VRK2: variants seen among roughly 807,000 people sequenced by gnomAD.
VRK2 encodes the protein serine/threonine-protein kinase VRK2.
A neutral mutation model predicts 57.6 loss-of-function variants in VRK2; 60 were observed. The ratio of observed to expected loss-of-function variants is 1.04; its 90% confidence interval spans 0.85 to 1.29. The LOEUF (loss-of-function observed/expected upper bound fraction) is 1.29, where lower values mean the gene tolerates loss of function less well. VRK2 is among the 50% of genes most tolerant of loss of function. VRK2 has a pLI of 0.00. For missense variants in VRK2, 705 were observed against 588.1 expected, an observed-to-expected ratio of 1.20 and a Z score of -2.06; for synonymous variants, 231 against 199.2, an observed-to-expected ratio of 1.16 and a Z score of -1.35.
intron 7 of VRK2, among the ~76,000 whole-genome samples, chr2:58,104,184 T>G (rs1674417337): frequency 6.6e-6 from 1 of 151,792 alleles, no homozygotes; most frequent in Non-Finnish European, 1.5e-5. Context: ...CCACTCCTAT[T>G]TATCATAGTA....
intron 7 of VRK2, among the ~76,000 whole-genome samples, chr2:58,101,178 C>T (rs188346976): frequency 1.5e-4 from 23 of 151,612 alleles, no homozygotes; most frequent in African/African-American, 4.6e-4. Flanking sequence ...TTCCAGTGCT[C>T]GTAAGATTCC....
intron 2 of VRK2, among the ~76,000 whole-genome samples, chr2:58,065,782 A>G (rs1249516054): frequency 2.0e-5 from 3 of 152,122 alleles, no homozygotes; most frequent in Non-Finnish European, 4.4e-5. Flanking sequence ...GATTTCTTAT[A>G]TCAGCTTTTT....
At chr2:57,968,303 G>A (rs967041135) in intron 1 of VRK2, among the ~76,000 whole-genome samples, 1 of 151,958 alleles carries the variant, frequency 6.6e-6, no homozygotes, top group Admixed American at 6.6e-5. Context: ...ATAAGAATAA[G>A]AGGAAATCCA....
intron 8 of VRK2, among the ~76,000 whole-genome samples, chr2:58,129,180 C>T (rs1280071936): frequency 6.6e-6 from 1 of 152,084 alleles, no homozygotes; most frequent in African/African-American, 2.4e-5. Flanking sequence ...AATAAGTAAA[C>T]ACTTCATTTT....
chr2:58,117,727 G>T (rs1326314792), intron 7 of VRK2, among the ~76,000 whole-genome samples: 2 of 152,148 alleles, frequency 1.3e-5, no homozygotes, highest in Non-Finnish European at 2.9e-5. Flanking sequence ...TGGAACTACT[G>T]TCAAGTTTGT....
At chr2:58,018,740 T>A (rs907605005) in intron 1 of VRK2, among the ~76,000 whole-genome samples, 6 of 152,002 alleles carry the variant, frequency 3.9e-5, no homozygotes, top group Admixed American at 2.0e-4. Flanking sequence ...AAAACTCTGA[T>A]TTTTTTTCTT....
chr2:58,119,793 G>A (rs1024494821), intron 7 of VRK2, among the ~76,000 whole-genome samples: 1 of 151,300 alleles, frequency 6.6e-6, no homozygotes, highest in Non-Finnish European at 1.5e-5. Flanking sequence ...ATTTATATTT[G>A]TATAAATATT....
In VRK2 at chr2:58,116,567, G is replaced by A. The variant is rs1676525928; in HGVS notation, c.544-6534G>A. Among the ~76,000 whole-genome samples, 4 of 152,084 alleles carry A rather than the reference G, an allele frequency of 2.6e-5. No individual in the cohort carries two copies. In the South Asian group the frequency reaches 8.3e-4, roughly 32 times the overall value. On this transcript the variant is annotated intron_variant, in intron 7 of 12. Transcript: ENST00000340157. ...CTTGAAAAGAAGGTAATGTGGAGTG[G>A]GTAGCCTTCGTATTGATTAAGAAGG...
intron 9 of VRK2, among the ~76,000 whole-genome samples, chr2:58,134,930 T>A (rs561880377): frequency 9.2e-5 from 14 of 152,238 alleles, no homozygotes; most frequent in African/African-American, 3.4e-4. Context: ...TACGTTAGTC[T>A]AGGTTATTGA....
chr2:58,055,664 A>G (rs1368513764), intron 2 of VRK2, among the ~76,000 whole-genome samples: 2 of 152,166 alleles, frequency 1.3e-5, no homozygotes, highest in African/African-American at 2.4e-5. Context: ...AAAGAACCCT[A>G]AATTTAGAAA....
chr2:57,957,972 C>A (rs140555777), intron 1 of VRK2, among the ~76,000 whole-genome samples: 60 of 152,202 alleles, frequency 3.9e-4, no homozygotes, highest in African/African-American at 1.4e-3. Context: ...TCTCATATAG[C>A]GAAGTTGAGG....
intron 2 of VRK2, among the ~76,000 whole-genome samples, chr2:58,056,492 A>G (rs1208410622): frequency 6.6e-6 from 1 of 152,112 alleles, no homozygotes; most frequent in African/African-American, 2.4e-5. Flanking sequence ...ACATTAATTA[A>G]AGAAGTGACA....
chr2:57,987,649 G>A (rs753278193), intron 1 of VRK2, among the ~76,000 whole-genome samples: 1 of 151,686 alleles, frequency 6.6e-6, no homozygotes, highest in Admixed American at 6.6e-5. Flanking sequence ...TTCAGCTCCT[G>A]GACACTTATC....
At chr2:58,150,477 GTTTC>G (rs1442208935) in intron 12 of VRK2, among the ~76,000 whole-genome samples, 7 of 137,724 alleles carry the variant, frequency 5.1e-5, no homozygotes, top group Non-Finnish European at 9.6e-5. Flanking sequence ...GTAACTTTTG[GTTTC>G]TTTCTTTTTT....
At chr2:58,092,484 C>T (rs1238719315) in intron 7 of VRK2, among the ~76,000 whole-genome samples, 1 of 152,160 alleles carries the variant, frequency 6.6e-6, no homozygotes, top group Admixed American at 6.5e-5. Context: ...TAAGCATTCA[C>T]ATACAGCCTT....
intron 12 of VRK2, among the ~76,000 whole-genome samples, chr2:58,148,990 C>T (rs1368850348): frequency 6.6e-6 from 1 of 151,694 alleles, no homozygotes; most frequent in East Asian, 1.9e-4. Context: ...TAGTCTCCTC[C>T]ATAAAATTTA....
chr2:58,120,178 T>TC (rs1432772267), intron 7 of VRK2, among the ~76,000 whole-genome samples: 2 of 138,080 alleles, frequency 1.4e-5, no homozygotes, highest in Admixed American at 1.5e-4. Context: ...TATTTTTTTT[T>TC]CTTTTCTTTT....
intron 1 of VRK2, among the ~76,000 whole-genome samples, chr2:57,933,448 G>T (rs1670805131): frequency 1.3e-5 from 2 of 150,752 alleles, no homozygotes; most frequent in Non-Finnish European, 3.0e-5. Flanking sequence ...GAGTAGCTGG[G>T]ATTACAGGCA....
intron 1 of VRK2, among the ~76,000 whole-genome samples, chr2:58,024,160 T>C (rs951251423): frequency 1.3e-5 from 2 of 152,066 alleles, no homozygotes; most frequent in Middle Eastern, 3.4e-3. Flanking sequence ...CTGTCTCTAC[T>C]AAAAGTACAA....
Sources: allele counts gnomAD v4.1 joint callset (sites outside exome capture counted in the v4.1 genomes callset), GRCh38; gene constraint gnomAD v4.1.1; transcripts MANE v1.5; gene names NCBI Gene and HGNC (gene_info 2026-07-23, HGNC 2026-07-21).